The following DOCK7 variants were observed in gnomAD, a reference collection of about 807,000 sequenced individuals.
DOCK7 encodes the protein dedicator of cytokinesis 7.
DOCK7 carries 138 observed loss-of-function variants against 271.0 expected under a neutral mutation model. The observed-to-expected ratio is 0.51, with a 90% CI of 0.44 to 0.59. DOCK7 has a LOEUF of 0.59. Ranked by LOEUF, DOCK7 falls within the 20% of genes least tolerant of loss-of-function variation. DOCK7 has a pLI of 0.00. For synonymous variants in DOCK7, 823 were observed against 876.1 expected (o/e 0.94, Z 1.07); for missense variants, 2,066 against 2,592.4 (o/e 0.80, Z 4.41).
chr1:62,496,867 C>G (rs181094355), intron 37 of DOCK7, among the ~76,000 whole-genome samples: 23 of 152,226 alleles, frequency 1.5e-4, no homozygotes, highest in Admixed American at 1.4e-3. Context: ...TATTTAAATT[C>G]TAGTCCATTT....
Position 62,618,918 on chromosome 1 carries a change from G to A in DOCK7, c.1520-50C>T, listed in dbSNP as rs190840080. On this transcript the variant is annotated intron_variant, in intron 13 of 49. Transcript: ENST00000635253. ...ATGTAAAGACAATAAAAAAGTCCAC[G>A]TTAAACATGTTTTTTAAAGGACTTG... is the stretch of plus-strand genomic sequence containing the variant. The A allele has an allele frequency of 1.2e-4, 187 of 1,524,720 alleles. 1 individual carries two copies. The East Asian group carries it at 3.3e-3, about 27-fold the overall frequency. The allele number at this position is 1,524,720 out of a possible 1,614,324, so 94.4% of individuals were successfully genotyped here. A position where few individuals can be genotyped will look rare whatever the true frequency, so the allele number is the denominator to read the frequency against.
intron 7 of DOCK7, chr1:62,641,711 C>T (rs1571875310): frequency 3.1e-6 from 1 of 319,162 alleles, no homozygotes; most frequent in East Asian, 8.2e-5. Flanking sequence ...CCAGGGCCTT[C>T]CCCCTCCCAA....
At chr1:62,506,230 C>A (rs1204105987) in intron 35 of DOCK7, among the ~76,000 whole-genome samples, 1 of 151,940 alleles carries the variant, frequency 6.6e-6, no homozygotes. Context: ...TAATTGAAAT[C>A]CTGAATTTTA....
At chr1:62,636,925 T>C (rs1655347162) in intron 7 of DOCK7, among the ~76,000 whole-genome samples, 2 of 152,196 alleles carry the variant, frequency 1.3e-5, no homozygotes, top group South Asian at 4.1e-4. Context: ...TGTAGATATG[T>C]TCATTTTTAA....
At chr1:62,630,012 A>G (rs2149617900) in intron 11 of DOCK7, among the ~76,000 whole-genome samples, 1 of 152,332 alleles carries the variant, frequency 6.6e-6, no homozygotes, top group Middle Eastern at 3.4e-3. Context: ...GCAGCGCATG[A>G]AAGAAGGCAG....
Position 62,455,103 on chromosome 1 carries a change from A to G in DOCK7, c.*311T>C. 2 of 515,052 alleles carry G rather than the reference A, an allele frequency of 3.9e-6. 1 individual carries two copies. The highest frequency in any genetic ancestry group is 6.4e-5 in the South Asian group (2 of 31,158). The allele number at this position is 515,052 out of a possible 1,614,324, so 31.9% of individuals were successfully genotyped here. ...AAAATGAATCTATAAATGGTAATAT[A>G]AATTAAAAAATACGAACTTAAAGTG... On this transcript the variant is annotated 3_prime_UTR_variant, in exon 50 of 50. Transcript: ENST00000635253.
chr1:62,685,467 A>T (rs1039781472), intron 1 of DOCK7, among the ~76,000 whole-genome samples: 19 of 152,214 alleles, frequency 1.2e-4, no homozygotes, highest in African/African-American at 4.3e-4. Context: ...TACTCATAGC[A>T]GTTCTGTCTT....
rs938960009 is a variant in DOCK7, at chr1:62,688,366, G to T, written c.-102C>A. The T allele has an allele frequency of 2.7e-6, 2 of 732,404 alleles. No individual in the cohort carries two copies. The highest frequency in any genetic ancestry group is 1.8e-6 in the Non-Finnish European group (1 of 553,804). The allele number at this position is 732,404 out of a possible 1,614,324, so 45.4% of individuals were successfully genotyped here. On this transcript the variant is annotated 5_prime_UTR_variant, in exon 1 of 50. Transcript: ENST00000635253. The stretch of plus-strand genomic sequence containing the variant: ...TCGTGCTCCCTCCCTCGCGGCCTCC[G>T]CCAGTCCGGGCTCCGGACCTGGGAG...
rs1375375951 is a variant in DOCK7 at position 62,552,680 on chromosome 1, C to T, written c.2766+52G>A. ...TACATTACAACAACTGGATATTTCT[C>T]GTTTGTTCACAAAACAAAAACCAAA... On this transcript the variant is annotated intron_variant, in intron 22 of 49. Coordinates refer to ENST00000635253, the MANE Select transcript of DOCK7 (RefSeq NM_001367561.1). 8 of 1,510,294 alleles carry T rather than the reference C, an allele frequency of 5.3e-6. No homozygotes were observed. The African/African-American group carries it at 5.5e-5, about 10-fold the overall frequency. The allele number at this position is 1,510,294 out of a possible 1,614,324, so 93.6% of individuals were successfully genotyped here. A position where few individuals can be genotyped will look rare whatever the true frequency, so the allele number is the denominator to read the frequency against.
intron 1 of DOCK7, among the ~76,000 whole-genome samples, chr1:62,669,155 G>A (rs1046157272): frequency 3.9e-5 from 6 of 152,146 alleles, no homozygotes. Context: ...TACATTCAAG[G>A]AAAAGGAGCT....
At position 62,625,184 on chromosome 1, in the gene DOCK7, A is replaced by G. The variant is rs1319797547; in HGVS notation, c.1425+75T>C. ...TCACCCTCCCATACATGTATAGTACAATCACTACCTTTCTGAAATTAAAAA... is the reference window on the plus strand; with the variant it reads ...TCACCCTCCCATACATGTATAGTACGATCACTACCTTTCTGAAATTAAAAA... On this transcript the variant is annotated intron_variant, in intron 12 of 49. Coordinates refer to ENST00000635253, the MANE Select transcript of DOCK7 (RefSeq NM_001367561.1). 5 of 1,493,640 alleles carry G rather than the reference A, an allele frequency of 3.3e-6. No homozygotes were observed. The East Asian group carries it at 1.1e-4, about 34-fold the overall frequency. The allele number at this position is 1,493,640 out of a possible 1,614,324, so 92.5% of individuals were successfully genotyped here. A position where few individuals can be genotyped will look rare whatever the true frequency, so the allele number is the denominator to read the frequency against.
intron 14 of DOCK7, among the ~76,000 whole-genome samples, chr1:62,589,659 A>G (rs1204520384): frequency 2.0e-5 from 3 of 152,064 alleles, no homozygotes; most frequent in Non-Finnish European, 4.4e-5. Flanking sequence ...CTTCATACTG[A>G]TATTTCCAAC....
At chr1:62,624,327 T>C (rs1653664492) in intron 12 of DOCK7, among the ~76,000 whole-genome samples, 2 of 152,218 alleles carry the variant, frequency 1.3e-5, no homozygotes, top group East Asian at 1.9e-4. Context: ...TCTTTTCTTT[T>C]TTAACCTGGG....
chr1:62,631,082 G>A (rs1654572134), intron 11 of DOCK7, among the ~76,000 whole-genome samples, 158 bp downstream of exon 11: 1 of 152,038 alleles, frequency 6.6e-6, no homozygotes, highest in South Asian at 2.1e-4. Flanking sequence ...CTACTCAGGA[G>A]GCTGAGGCAG....
chr1:62,522,758 A>G (rs985495545), intron 31 of DOCK7, among the ~76,000 whole-genome samples: 14 of 152,118 alleles, frequency 9.2e-5, no homozygotes, highest in African/African-American at 3.4e-4. Flanking sequence ...TGTGTGTAGA[A>G]AAAAAGAATC....
intron 1 of DOCK7, among the ~76,000 whole-genome samples, chr1:62,677,847 A>C (rs527834874): frequency 6.6e-6 from 1 of 152,356 alleles, no homozygotes; most frequent in East Asian, 1.9e-4. Context: ...TAAAACAAGG[A>C]AGGCCAGGCA....
intron 29 of DOCK7, among the ~76,000 whole-genome samples, chr1:62,531,582 T>C (rs541853438): frequency 7.2e-4 from 110 of 152,364 alleles, no homozygotes; most frequent in African/African-American, 2.6e-3. Flanking sequence ...GTGTACTGTT[T>C]TGCAGTCTTA....
chr1:62,579,717 A>G (rs1276152834), intron 16 of DOCK7, among the ~76,000 whole-genome samples: 4 of 135,226 alleles, frequency 3.0e-5, no homozygotes, highest in African/African-American at 1.1e-4. Flanking sequence ...AAAAAAAAAA[A>G]GATCAAGTTT....
intron 19 of DOCK7, among the ~76,000 whole-genome samples, chr1:62,559,833 T>C (rs771120293): frequency 6.6e-6 from 1 of 152,148 alleles, no homozygotes; most frequent in Non-Finnish European, 1.5e-5. Context: ...GGGGTTCCCA[T>C]TGACAGAGAT....
Sources: allele counts gnomAD v4.1 joint callset (sites outside exome capture counted in the v4.1 genomes callset), GRCh38; gene constraint gnomAD v4.1.1; transcripts MANE v1.5; gene names NCBI Gene and HGNC (gene_info 2026-07-23, HGNC 2026-07-21).